The following SLC36A1 variants were observed in gnomAD, a reference collection of about 807,000 sequenced individuals.
SLC36A1 encodes the protein proton-coupled amino acid transporter 1.
SLC36A1 carries 30 observed loss-of-function variants against 47.5 expected under a neutral mutation model. The ratio of observed to expected loss-of-function variants is 0.63; its 90% CI spans 0.47 to 0.86. SLC36A1 has a LOEUF of 0.86. SLC36A1 is among the 40% of genes least tolerant of loss of function. SLC36A1 has a pLI of 0.00. For synonymous variants in SLC36A1, 255 were observed against 249.7 expected (o/e 1.02, Z -0.20); for missense variants, 517 against 606.0 (o/e 0.85, Z 1.54).
At chr5:151,398,112 G>A in the SLC36A1 span, among the ~76,000 whole-genome samples, 2 of 152,138 alleles carry the variant, frequency 1.3e-5, no homozygotes, top group South Asian at 4.1e-4. Context: ...AGTGAGACCT[G>A]TCTCAAAAGA....
At chr5:151,381,031 G>T in the SLC36A1 span, 3 of 403,362 alleles carry the variant, frequency 7.4e-6, no homozygotes, top group African/African-American at 4.2e-5. Context: ...TGTTGAAGAG[G>T]CGGGAGGTGT....
At chr5:151,362,452 G>A in the SLC36A1 span, among the ~76,000 whole-genome samples, 5,831 of 149,360 alleles carry the variant, frequency 0.039, 386 homozygotes, top group African/African-American at 0.14. Context: ...GTGCAGTGGG[G>A]CAACCTCAGC....
At chr5:151,500,054 A>G in the SLC36A1 span, among the ~76,000 whole-genome samples, 2 of 152,048 alleles carry the variant, frequency 1.3e-5, no homozygotes, top group African/African-American at 4.8e-5. Context: ...ACCTCCCCAA[A>G]TCTGGGCCCC....
chr5:151,464,988 C>A, intron 4 of SLC36A1, 86 bp from the exon 5 acceptor site: 2 of 1,059,566 alleles, frequency 1.9e-6, no homozygotes, highest in Non-Finnish European at 2.9e-6. Context: ...GGGAACTGGC[C>A]CAGGTCTCAG....
the SLC36A1 span, chr5:151,527,389 T>C: frequency 3.0e-5 from 47 of 1,587,512 alleles, no homozygotes; most frequent in Non-Finnish European, 4.0e-5. Flanking sequence ...TATTGCAAAA[T>C]GTCCAGTGGA....
At chr5:151,499,852 T>A in the SLC36A1 span, among the ~76,000 whole-genome samples, 1 of 152,124 alleles carries the variant, frequency 6.6e-6, no homozygotes, top group African/African-American at 2.4e-5. Context: ...CCTTCTCCAA[T>A]AGCAAGGCCT....
At chr5:151,506,217 C>CACCGAG in the SLC36A1 span, 2 of 1,058,172 alleles carry the variant, frequency 1.9e-6, no homozygotes, top group Non-Finnish European at 2.6e-6. Context: ...GGCATAGGCC[C>CACCGAG]ATCTGTGCAG....
At chr5:151,538,979 T>C in the SLC36A1 span, among the ~76,000 whole-genome samples, 1 of 151,974 alleles carries the variant, frequency 6.6e-6, no homozygotes, top group Non-Finnish European at 1.5e-5. Flanking sequence ...GATGGAAGTT[T>C]TATGTGTGGA....
chr5:151,432,157 C>G (rs539163296), upstream of SLC36A1, among the ~76,000 whole-genome samples: 2 of 152,222 alleles, frequency 1.3e-5, no homozygotes, highest in African/African-American at 4.8e-5. Flanking sequence ...GAAACAGTTC[C>G]AGGTACTGCA....
the SLC36A1 span, among the ~76,000 whole-genome samples, chr5:151,354,138 T>C: frequency 1.3e-5 from 2 of 152,148 alleles, no homozygotes; most frequent in African/African-American, 4.8e-5. Flanking sequence ...ACCCCGTCTC[T>C]ACTCAATATA....
chr5:151,514,022 A>G, the SLC36A1 span, among the ~76,000 whole-genome samples: 1 of 152,148 alleles, frequency 6.6e-6, no homozygotes, highest in Non-Finnish European at 1.5e-5. Flanking sequence ...CCTGTGACCA[A>G]ATACTTTTCT....
the SLC36A1 span, chr5:151,522,126 G>A: frequency 6.7e-7 from 1 of 1,485,048 alleles, no homozygotes; most frequent in Non-Finnish European, 9.1e-7. Flanking sequence ...CAACAGAACT[G>A]CAGTGCTCTT....
the SLC36A1 span, among the ~76,000 whole-genome samples, chr5:151,538,905 C>T: frequency 7.3e-5 from 11 of 151,450 alleles, no homozygotes; most frequent in African/African-American, 4.9e-5. Flanking sequence ...AGGCTGGTCT[C>T]GAACCCCTGA....
At chr5:151,363,356 A>C in the SLC36A1 span, among the ~76,000 whole-genome samples, 1 of 152,176 alleles carries the variant, frequency 6.6e-6, no homozygotes, top group Non-Finnish European at 1.5e-5. Context: ...GGTGCTGGGC[A>C]GATTGGAAGG....
At chr5:151,414,207 T>C in the SLC36A1 span, among the ~76,000 whole-genome samples, 2 of 146,682 alleles carry the variant, frequency 1.4e-5, no homozygotes, top group Non-Finnish European at 2.9e-5. Flanking sequence ...GCTGTGTGAC[T>C]CAGGGAACGA....
chr5:151,429,208 A>T, the SLC36A1 span, among the ~76,000 whole-genome samples: 6 of 151,656 alleles, frequency 4.0e-5, no homozygotes, highest in East Asian at 1.9e-4. Flanking sequence ...ATTTTTTAAA[A>T]TTTTTTTTAT....
In SLC36A1 at chr5:151,476,937, T is replaced by C. The variant is rs148664534; in HGVS notation, c.989+181T>C. 2.8e-4 allele frequency: 221 copies of C among 777,048 alleles called. 1 individual carries two copies. The African/African-American group carries it at 3.4e-3, about 12-fold the overall frequency. 48.1% of individuals were successfully genotyped at this position (777,048 alleles called of 1,614,324 possible). ...GACTGCATTCTGTTTGGGGAATTCA[T>C]GTAGAGCCTTCTGCTGAAGCCATTG... On this transcript the variant is annotated intron_variant, in intron 9 of 10. Transcript: ENST00000243389.
the SLC36A1 span, among the ~76,000 whole-genome samples, chr5:151,370,673 A>G: frequency 6.6e-6 from 1 of 152,194 alleles, no homozygotes; most frequent in Non-Finnish European, 1.5e-5. Flanking sequence ...CTCAATATCA[A>G]CTTGCTTGTG....
the SLC36A1 span, chr5:151,549,512 G>C: frequency 7.4e-6 from 12 of 1,613,472 alleles, no homozygotes; most frequent in African/African-American, 6.7e-5. Flanking sequence ...GGACCTATGG[G>C]CCCAAAGGGG....
Sources: allele counts gnomAD v4.1 joint callset (sites outside exome capture counted in the v4.1 genomes callset), GRCh38; gene constraint gnomAD v4.1.1; transcripts MANE v1.5; gene names NCBI Gene and HGNC (gene_info 2026-07-23, HGNC 2026-07-21).